SON: variants seen among roughly 807,000 people sequenced by gnomAD.
SON encodes the protein SON DNA and RNA binding protein.
A neutral mutation model predicts 173.3 loss-of-function variants in SON; 4 were observed. The observed-to-expected ratio is 0.02, with a 90% confidence interval of 0.01 to 0.05. SON has a LOEUF of 0.05. Ranked by LOEUF, SON falls within the 10% of genes least tolerant of loss-of-function variation. The pLI is 1.00. For synonymous variants in SON, 1,190 were observed against 1,105.9 expected (o/e 1.08, Z -1.51); for missense variants, 2,626 against 3,055.3 (o/e 0.86, Z 3.31).
At position 33,569,001 on chromosome 21, in the gene SON, C is replaced by G. The variant is rs2145873176; in HGVS notation, c.6799C>G (p.Pro2267Ala). The G allele has an allele frequency of 6.2e-7, 1 of 1,611,880 alleles. No individual in the cohort carries two copies. Among genetic ancestry groups the G allele is most frequent in the South Asian group, 1.1e-5 (1 of 90,988 alleles). Residue 2267 changes from proline (P) to alanine (A), a missense_variant, in exon 8 of 12, where the codon CCT (proline) becomes GCT (alanine). Physicochemically the swap from Pro to Ala is conservative, Grantham distance 27. Coordinates refer to ENST00000356577, the MANE Select transcript of SON (RefSeq NM_138927.4). ...IDAWAQLNSI[P>A]GQFTGSTGVQ... ...TGCCTGGGCTCAGCTGAACTCTATT[C>G]CTGGCCAGTTCACAGGAAGTACAGG...
chr21:33,547,049 A>G (rs2085635249), intron 2 of SON: 1 of 152,024 alleles, frequency 6.6e-6, no homozygotes, highest in East Asian at 1.9e-4. Flanking sequence ...ATCTCGGCTC[A>G]CCGCAACCTC....
At chr21:33,543,478 C>G in intron 1 of SON, 1 of 410,032 alleles carries the variant, frequency 2.4e-6, no homozygotes, top group Non-Finnish European at 4.5e-6. Context: ...GCCCGGTTGT[C>G]CGCCAGGGAC....
intron 8 of SON, chr21:33,569,574 A>C (rs1456313704): frequency 2.2e-6 from 1 of 454,622 alleles, no homozygotes; most frequent in Non-Finnish European, 4.6e-6. Flanking sequence ...CCGCTTCATT[A>C]GTGCCTGTGC....
Position 33,555,344 on chromosome 21 carries a change from C to G in SON, c.6113C>G (p.Ser2038Cys), listed in dbSNP as rs755620479. 1.3e-6 allele frequency: 2 copies of G among 1,592,828 alleles called. No homozygotes were observed. The highest frequency in any genetic ancestry group is 1.7e-6 in the Non-Finnish European group (2 of 1,169,708). ...AGATCTCCCATCCGTCGTAAAAGAT[C>G]CAGGTCTTCTGAACGAGGCAGATCA... The part of the protein sequence containing the change: ...FSRSPIRRKR[S>C]RSSERGRSPK... Residue 2038 changes from serine to cysteine, a missense_variant, in exon 3 of 12, where the codon TCC (serine) becomes TGC (cysteine). By Grantham distance (112) the Ser-to-Cys change is moderately radical. This residue lies in a region of SON where 138 missense variants were observed against 222.9 expected (regional missense o/e 0.62). Coordinates refer to ENST00000356577, the MANE Select transcript of SON (RefSeq NM_138927.4).
At chr21:33,562,890 T>C (rs2145857960) in intron 6 of SON, among the ~76,000 whole-genome samples, 1 of 152,276 alleles carries the variant, frequency 6.6e-6, no homozygotes, top group South Asian at 2.1e-4. Flanking sequence ...AGTGTGGAGT[T>C]TTCATGGATT....
intron 4 of SON, chr21:33,558,110 A>T (rs1051599053): frequency 6.5e-6 from 1 of 154,736 alleles, no homozygotes; most frequent in Middle Eastern, 3.2e-3. Flanking sequence ...CCCCTTGGTT[A>T]CAAGCTTAAT....
chr21:33,572,181 T>TTATATA (rs72174733), intron 8 of SON: 64 of 142,712 alleles, frequency 4.5e-4, no homozygotes, highest in African/African-American at 1.2e-3. Context: ...TATTATATAT[T>TTATATA]TATATATATA....
intron 9 of SON, 89 bp from the exon 10 acceptor site, chr21:33,575,507 A>G: frequency 3.9e-6 from 3 of 762,724 alleles, no homozygotes; most frequent in East Asian, 5.3e-5. Context: ...ATTTGAAGGC[A>G]TACATTTTGA....
At chr21:33,571,178 A>T (rs1305969625) in intron 8 of SON, among the ~76,000 whole-genome samples, 1 of 152,206 alleles carries the variant, frequency 6.6e-6, no homozygotes, top group Non-Finnish European at 1.5e-5. Context: ...GAAAAGATTC[A>T]TTTGTATAGA....
chr21:33,576,316 T>C (rs1174974407), intron 11 of SON, 49 bp from the exon 12 acceptor site: 1 of 878,474 alleles, frequency 1.1e-6, no homozygotes, highest in Admixed American at 1.7e-5. Flanking sequence ...ACAAAGCTAA[T>C]AGATATTAAA....
intron 6 of SON, among the ~76,000 whole-genome samples, chr21:33,563,023 C>G (rs2086096766): frequency 6.6e-6 from 1 of 152,088 alleles, no homozygotes; most frequent in Non-Finnish European, 1.5e-5. Flanking sequence ...AATCATATTT[C>G]CACATCCCAA....
At chr21:33,557,674 T>C in intron 4 of SON, 3 of 1,493,970 alleles carry the variant, frequency 2.0e-6, no homozygotes, top group South Asian at 2.7e-5. Context: ...TCGCCACGAG[T>C]ATACTGCATA....
At chr21:33,544,505 G>T (rs1405008922) in intron 1 of SON, among the ~76,000 whole-genome samples, 1 of 152,056 alleles carries the variant, frequency 6.6e-6, no homozygotes, top group Non-Finnish European at 1.5e-5. Flanking sequence ...AAGGAGAAAA[G>T]AAAAAACTCA....
chr21:33,564,882 TGAAAC>T (rs528501708), intron 6 of SON, among the ~76,000 whole-genome samples: 1,702 of 121,870 alleles, frequency 0.014, 15 homozygotes, highest in Non-Finnish European at 0.022. Context: ...AAAAAAAAAA[TGAAAC>T]CAGTAGTCAA....
rs201714133 is a variant in SON, at chr21:33,550,019, T to C, written c.788T>C (p.Val263Ala). The change falls in exon 3 of 12, where the codon GTT (valine) becomes GCT (alanine). Residue 263 changes from valine (V) to alanine (A), a missense_variant. Val to Ala is a moderately conservative substitution (Grantham distance 64, BLOSUM62 0). This residue lies in a region of SON where 757 missense variants were observed against 730.1 expected (regional missense o/e 1.04). Coordinates refer to ENST00000356577, the MANE Select transcript of SON (RefSeq NM_138927.4). ...CTGGTGTTGAAGTCATCTGAGCCAG[T>C]TGTAACAATGTCAGTGGAGTATCAG... ...TTLVLKSSEP[V>A]VTMSVEYQMK... is the part of the protein sequence containing the mutation. The C allele has an allele frequency of 1.5e-4, 248 of 1,614,002 alleles. 1 individual carries two copies. Among genetic ancestry groups the C allele is most frequent in the Non-Finnish European group, 5.4e-5 (64 of 1,180,034 alleles).
chr21:33,558,711 A>G (rs2086013285), intron 4 of SON: 1 of 152,022 alleles, frequency 6.6e-6, no homozygotes, highest in African/African-American at 2.4e-5. Flanking sequence ...TTTCCCTACC[A>G]GTCTTTGTTC....
At position 33,546,375 on chromosome 21, in the gene SON, G is replaced by A. The variant is rs147194840; in HGVS notation, c.240G>A (p.Lys80=). ...TCTTAGATACAGAACTACGATATAA[G>A]CCAGGTAAGTTGGAGATAATTAACT... is the stretch of plus-strand genomic sequence containing the variant. ...SGVLDTELRY[K]PDLKEGSRKS... The change falls in exon 2 of 12, where the codon AAG becomes AAA. Residue 80 remains lysine (K), a synonymous_variant. Coordinates refer to ENST00000356577, the MANE Select transcript of SON (RefSeq NM_138927.4). 4 of 1,596,802 alleles carry A rather than the reference G, an allele frequency of 2.5e-6. No individual in the cohort carries two copies. The highest frequency in any genetic ancestry group is 2.7e-5 in the African/African-American group (2 of 73,778).
chr21:33,553,344 G>T lies in SON; in HGVS notation c.4113G>T (p.Ser1371=). The T allele has an allele frequency of 6.3e-7, 1 of 1,586,096 alleles. No homozygotes were observed. Residue 1371 remains serine, a synonymous_variant, in exon 3 of 12, where the codon TCG becomes TCT. Transcript: ENST00000356577. ...CGGCTGTGACCGTCCTGGAGTCTTC[G>T]ACTGTGACTGTCCTGGAGTCTTCGA... is the stretch of plus-strand genomic sequence containing the variant. ...ESSAVTVLES[S]TVTVLESSTV...
chr21:33,567,836 C>T (rs2086203837), intron 7 of SON, among the ~76,000 whole-genome samples: 1 of 151,936 alleles, frequency 6.6e-6, no homozygotes, highest in Non-Finnish European at 1.5e-5. Context: ...ATGCTTGAAC[C>T]TGGGAGGCAG....
Sources: gnomAD v4.1 joint callset for allele counts (sites outside exome capture counted in the v4.1 genomes callset) on GRCh38, gnomAD v4.1.1 for gene constraint, gnomAD v4.1.1 regional missense constraint, MANE v1.5 for transcripts, NCBI Gene and HGNC (gene_info 2026-07-23, HGNC 2026-07-21) for gene names.